Variants in PEMT observed in about 807,000 individuals in gnomAD.
PEMT encodes phospholipid methyltransferase.
PEMT carries 23 observed loss-of-function variants against 27.4 expected under a neutral mutation model. The ratio of observed to expected loss-of-function variants is 0.84; its 90% CI spans 0.60 to 1.19. The LOEUF (loss-of-function observed/expected upper bound fraction) is 1.19. Among genes scored for constraint, PEMT ranks in the 50% most tolerant of loss-of-function variants. The probability of loss-of-function intolerance (pLI) is 0.00; values close to 1 mark genes in which losing one functional copy is unlikely to be tolerated. For missense variants in PEMT, 307 were observed against 310.1 expected (o/e 0.99, Z 0.07); for synonymous variants, 137 against 139.1 (o/e 0.98, Z 0.11).
intron 3 of PEMT, among the ~76,000 whole-genome samples, chr17:17,521,564 T>TA (rs960174176): frequency 6.7e-6 from 1 of 149,500 alleles, no homozygotes; most frequent in Admixed American, 6.7e-5. Context: ...AGCTTTCTTT[T>TA]AAAAAAAAAA....
At chr17:17,563,247 T>C (rs1473353794) in intron 2 of PEMT, among the ~76,000 whole-genome samples, 1 of 152,092 alleles carries the variant, frequency 6.6e-6, no homozygotes, top group Non-Finnish European at 1.5e-5. Context: ...CACCTCCACC[T>C]CCCAGGGAGG....
intron 1 of PEMT, among the ~76,000 whole-genome samples, chr17:17,589,059 CA>C (rs1451283681): frequency 6.6e-6 from 1 of 152,244 alleles, no homozygotes; most frequent in Non-Finnish European, 1.5e-5. Flanking sequence ...CTACGGGGTT[CA>C]AGTGATTCTC....
chr17:17,547,430 A>G (rs1432252284), intron 2 of PEMT, among the ~76,000 whole-genome samples: 1 of 152,226 alleles, frequency 6.6e-6, no homozygotes, highest in African/African-American at 2.4e-5. Context: ...TGCGCTCGCC[A>G]AAGAACAGGG....
intron 1 of PEMT, among the ~76,000 whole-genome samples, chr17:17,587,229 T>C (rs1263420421): frequency 6.6e-6 from 1 of 151,522 alleles, no homozygotes; most frequent in African/African-American, 2.4e-5. Flanking sequence ...ACACAAAATA[T>C]CAATATCAGA....
chr17:17,591,198 T>C (rs1912566652), intron 1 of PEMT, among the ~76,000 whole-genome samples: 1 of 151,738 alleles, frequency 6.6e-6, no homozygotes. Context: ...CATCACATAA[T>C]TTCAGTGAGA....
intron 6 of PEMT, 145 bp downstream of exon 6, chr17:17,506,082 T>C (rs911837371): frequency 5.9e-5 from 57 of 970,212 alleles, no homozygotes; most frequent in Admixed American, 8.4e-5. Context: ...TAAGCTACCA[T>C]GGCCGCTCTG....
At chr17:17,509,638 C>T (rs997658017) in intron 4 of PEMT, 93 bp from the exon 5 acceptor site, 2 of 860,814 alleles carry the variant, frequency 2.3e-6, no homozygotes, top group Non-Finnish European at 3.9e-6. Context: ...GTGGCGAGAC[C>T]TGCAGGTGAG....
Position 17,522,266 on chromosome 17 carries a change from A to C in PEMT, c.320+14T>G. On this transcript the variant is annotated intron_variant, in intron 3 of 6. Coordinates refer to ENST00000255389, the MANE Select transcript of PEMT (RefSeq NM_148172.3). ...CCAGGGGTTGTGGCTCCCCAGTGAGAGAGCTGTGCTTACCAGTGCGAGCGC... is the reference window on the plus strand; with the variant it reads ...CCAGGGGTTGTGGCTCCCCAGTGAGCGAGCTGTGCTTACCAGTGCGAGCGC... 1.3e-6 allele frequency: 2 copies of C among 1,574,670 alleles called. No homozygotes were observed. Among genetic ancestry groups the C allele is most frequent in the Non-Finnish European group, 1.7e-6 (2 of 1,143,866 alleles).
rs978323713 is a variant in PEMT at position 17,523,206 on chromosome 17, T to C, written c.205-811A>G. 6.6e-6 allele frequency among the ~76,000 whole-genome samples: 1 copy of C among 152,112 alleles called. No homozygotes were observed. The highest frequency in any genetic ancestry group is 2.4e-5 in the African/African-American group (1 of 41,420). Reference sequence around the variant, plus strand: ...AAGCATGCAGCCTGGGGTCAGGGGCTGGGCTCTAGGTATGTGAGCAAGTTG... The same window carrying C: ...AAGCATGCAGCCTGGGGTCAGGGGCCGGGCTCTAGGTATGTGAGCAAGTTG... On this transcript the variant is annotated intron_variant, in intron 2 of 6. Transcript: ENST00000255389. This position sits in a 1 kb window ranked among gnomAD's most constrained non-coding sequence, Gnocchi z 4.8.
At chr17:17,553,382 T>C (rs1378609954) in intron 2 of PEMT, among the ~76,000 whole-genome samples, 2 of 152,154 alleles carry the variant, frequency 1.3e-5, no homozygotes, top group Non-Finnish European at 2.9e-5. Context: ...CCTGTAACTA[T>C]CCCTGTCTTC....
chr17:17,510,141 G>A (rs749160498), intron 4 of PEMT, among the ~76,000 whole-genome samples: 4 of 152,154 alleles, frequency 2.6e-5, no homozygotes, highest in Non-Finnish European at 4.4e-5. Flanking sequence ...TCACTCAGCT[G>A]CCCAGAGGAG....
intron 2 of PEMT, among the ~76,000 whole-genome samples, chr17:17,565,053 G>T (rs1382440033): frequency 1.3e-5 from 2 of 152,204 alleles, no homozygotes; most frequent in Admixed American, 6.5e-5. Context: ...ACAACAGCTG[G>T]TTTTGAAAAC....
intron 2 of PEMT, among the ~76,000 whole-genome samples, chr17:17,525,445 T>TG (rs1187541146): frequency 6.6e-6 from 1 of 152,220 alleles, no homozygotes; most frequent in Non-Finnish European, 1.5e-5. Context: ...GTGTCCTCAC[T>TG]GGGAGCCCAG....
In PEMT at chr17:17,523,152, G is replaced by A. The variant is rs1025086157; in HGVS notation, c.205-757C>T. Among the ~76,000 whole-genome samples, 3 of 152,130 alleles carry A rather than the reference G, an allele frequency of 2.0e-5. No individual in the cohort carries two copies. The highest frequency in any genetic ancestry group is 4.4e-5 in the Non-Finnish European group (3 of 68,028). On this transcript the variant is annotated intron_variant, in intron 2 of 6. Coordinates refer to ENST00000255389, the MANE Select transcript of PEMT (RefSeq NM_148172.3). This position sits in a 1 kb window ranked among gnomAD's most constrained non-coding sequence, Gnocchi z 4.8. ...ACACTGAGGAAGGAACGGAGAGGAG[G>A]GGAGGGGGCAAGGAGGATGCAAAAA...
At chr17:17,591,294 G>A in intron 1 of PEMT, 1 of 543,456 alleles carries the variant, frequency 1.8e-6, no homozygotes, top group Non-Finnish European at 3.3e-6. Context: ...ACGAGCTCAG[G>A]AACGCCCCCG....
At chr17:17,571,390 A>G (rs567718199) in intron 2 of PEMT, among the ~76,000 whole-genome samples, 65 of 152,226 alleles carry the variant, frequency 4.3e-4, no homozygotes, top group African/African-American at 1.4e-3. Flanking sequence ...AAGGCCGGGA[A>G]AGCCTCCCAT....
chr17:17,539,427 A>G (rs982753234), intron 2 of PEMT, among the ~76,000 whole-genome samples: 1 of 151,974 alleles, frequency 6.6e-6, no homozygotes, highest in Non-Finnish European at 1.5e-5. Flanking sequence ...TTCCCTCCTC[A>G]AGTGTCACAG....
chr17:17,558,790 T>C lies in PEMT; in HGVS notation c.204+18130A>G, dbSNP rs4924962. Among the ~76,000 whole-genome samples the C allele has an allele frequency of 9.8e-3, 1,490 of 151,396 alleles. 28 individuals are homozygous for C. The highest frequency in any genetic ancestry group is 0.033 in the African/African-American group (1,381 of 41,238). Reference sequence around the variant, plus strand: ...GCCCTCCTAGGCCTCAGGTGCTCCATGTACACTATAACAAGGTCCCTTCCA... The same window carrying C: ...GCCCTCCTAGGCCTCAGGTGCTCCACGTACACTATAACAAGGTCCCTTCCA... On this transcript the variant is annotated intron_variant, in intron 2 of 6. Coordinates refer to ENST00000255389, the MANE Select transcript of PEMT (RefSeq NM_148172.3).
intron 2 of PEMT, among the ~76,000 whole-genome samples, chr17:17,554,962 C>T (rs1909945812): frequency 6.6e-6 from 1 of 152,064 alleles, no homozygotes; most frequent in African/African-American, 2.4e-5. Flanking sequence ...AAAGGGAGCA[C>T]ATAGCTACTC....
Sources: allele counts gnomAD v4.1 joint callset (sites outside exome capture counted in the v4.1 genomes callset), GRCh38; gene constraint gnomAD v4.1.1; non-coding constraint Gnocchi (gnomAD v3.1); transcripts MANE v1.5; gene names NCBI Gene and HGNC (gene_info 2026-07-23, HGNC 2026-07-21).